Variants in TTF2 observed in about 807,000 individuals in gnomAD.
TTF2 encodes RNA polymerase II termination factor.
In TTF2, 108 loss-of-function variants were observed where a neutral mutation model predicts 142.4. The ratio of observed to expected loss-of-function variants is 0.76; its 90% CI spans 0.65 to 0.89. The LOEUF is 0.89. Among genes scored for constraint, TTF2 ranks in the 40% least tolerant of loss-of-function variants. The probability of loss-of-function intolerance (pLI) is 0.00; values close to 1 mark genes in which losing one functional copy is unlikely to be tolerated. For missense variants in TTF2, 1,327 were observed against 1,379.8 expected, an observed-to-expected ratio of 0.96 and a Z score of 0.61; for synonymous variants, 483 against 506.2, an observed-to-expected ratio of 0.95 and a Z score of 0.61.
rs2274253 is a variant in TTF2 at position 117,060,534 on chromosome 1, G to T, written c.108G>T (p.Thr36=). The change falls in exon 2 of 23, where the codon ACG becomes ACT. Residue 36 remains threonine, a synonymous_variant. Coordinates refer to ENST00000369466, the MANE Select transcript of TTF2 (RefSeq NM_003594.4). The part of the protein sequence containing the change: ...GKSFYVCRAD[T]CSFVRATDIP... ...GCTTCTACGTGTGCCGGGCAGACAC[G>T]TGCAGCTTCGTGCGGGCCACCGAGT... The T allele has an allele frequency of 0.066, 106,711 of 1,612,098 alleles. 4,808 individuals are homozygous for T. The highest frequency in any genetic ancestry group is 0.16 in the African/African-American group (12,138 of 74,964).
At chr1:117,095,065 A>C (rs1187329302) in intron 18 of TTF2, among the ~76,000 whole-genome samples, 8 of 152,214 alleles carry the variant, frequency 5.3e-5, no homozygotes. Context: ...GAATCCGGCA[A>C]GCTGCCTTGA....
chr1:117,072,637 A>G (rs1286902763), intron 3 of TTF2, among the ~76,000 whole-genome samples: 1 of 151,972 alleles, frequency 6.6e-6, no homozygotes, highest in African/African-American at 2.4e-5. Context: ...GTTGGCCAGG[A>G]TGGTCTCGAT....
chr1:117,076,466 C>A lies in TTF2; in HGVS notation c.1390+172C>A. On this transcript the variant is annotated intron_variant, in intron 6 of 22. Coordinates refer to ENST00000369466, the MANE Select transcript of TTF2 (RefSeq NM_003594.4). The surrounding 1 kb of genome is among the most constrained non-coding windows in gnomAD (Gnocchi z 4.6). ...GTTCATAAAAAACTTTCTCCTGTTT[C>A]CTGTGGACTCTACTTTCTTCCCCAT... The A allele has an allele frequency of 1.1e-6, 1 of 930,388 alleles. No individual in the cohort carries two copies. Among genetic ancestry groups the A allele is most frequent in the Non-Finnish European group, 1.6e-6 (1 of 626,076 alleles). The allele number at this position is 930,388 out of a possible 1,614,324, so 57.6% of individuals were successfully genotyped here. A position where few individuals can be genotyped will look rare whatever the true frequency, so the allele number is the denominator to read the frequency against.
At chr1:117,094,352 T>G (rs983121970) in intron 18 of TTF2, among the ~76,000 whole-genome samples, 3 of 152,186 alleles carry the variant, frequency 2.0e-5, no homozygotes, top group Non-Finnish European at 4.4e-5. Flanking sequence ...GTTTTCTTCC[T>G]TCTCCAGCAT....
At chr1:117,067,996 T>C (rs1656281198) in intron 3 of TTF2, among the ~76,000 whole-genome samples, 1 of 152,222 alleles carries the variant, frequency 6.6e-6, no homozygotes, top group South Asian at 2.1e-4. Flanking sequence ...TGACTAGCCA[T>C]TCGGCCATGG....
In TTF2 at chr1:117,084,129, A is replaced by C. The variant is rs147246961; in HGVS notation, c.2015A>C (p.Tyr672Ser). The change falls in exon 11 of 23, where the codon TAT becomes TCT. Residue 672 changes from tyrosine to serine, a missense_variant. Transcript: ENST00000369466. ...KRVNSNKLRV[Y>S]LYHGPNRDSR... Reference sequence around the variant, plus strand: ...GTGAACAGCAACAAACTAAGAGTCTATCTCTACCATGGGCCAAACCGGGAT... The same window carrying C: ...GTGAACAGCAACAAACTAAGAGTCTCTCTCTACCATGGGCCAAACCGGGAT... The C allele has an allele frequency of 1.2e-6, 2 of 1,614,220 alleles. No individual in the cohort carries two copies. Among genetic ancestry groups the C allele is most frequent in the Non-Finnish European group, 1.7e-6 (2 of 1,180,040 alleles).
intron 4 of TTF2, among the ~76,000 whole-genome samples, chr1:117,074,426 G>A (rs2101411631): frequency 6.6e-6 from 1 of 152,280 alleles, no homozygotes; most frequent in East Asian, 1.9e-4. Context: ...AAGGAACCAA[G>A]CTTCGAAAGT....
chr1:117,065,477 A>G (rs542361181), intron 3 of TTF2, among the ~76,000 whole-genome samples: 1 of 152,318 alleles, frequency 6.6e-6, no homozygotes, highest in Admixed American at 6.5e-5. Flanking sequence ...AGGCGCCTGT[A>G]GTCCCAGCTA....
chr1:117,062,286 C>T (rs1655743974), intron 2 of TTF2, 101 bp from the exon 3 acceptor site: 1 of 1,038,042 alleles, frequency 9.6e-7, no homozygotes, highest in African/African-American at 1.6e-5. Context: ...AGAGGTTATA[C>T]ATAGATTCTT....
rs1287711144 is a variant in TTF2, at chr1:117,079,195, A to G, written c.1702-373A>G. On this transcript the variant is annotated intron_variant, in intron 8 of 22. Transcript: ENST00000369466. The surrounding 1 kb of genome is among the most constrained non-coding windows in gnomAD (Gnocchi z 4.2). The stretch of plus-strand genomic sequence containing the variant: ...GCGGAGGCTGCAGTGGGCTGAGATC[A>G]CGCCACTGCACTCTAGCCTGGGCAA... 6.6e-6 allele frequency among the ~76,000 whole-genome samples: 1 copy of G among 152,142 alleles called. No individual in the cohort carries two copies. The highest frequency in any genetic ancestry group is 2.4e-5 in the African/African-American group (1 of 41,428).
At chr1:117,077,792 TGAG>T (rs1657135164) in intron 7 of TTF2, 121 bp from the exon 8 acceptor site, 1 of 1,325,810 alleles carries the variant, frequency 7.5e-7, no homozygotes. Context: ...CATGGAAAGT[TGAG>T]GAGAGTAGTT....
rs1218305324 is a variant in TTF2, at chr1:117,092,714, CTT to C, written c.2806-12_2806-11del. The C allele has an allele frequency of 6.2e-7, 1 of 1,605,530 alleles. No homozygotes were observed. The highest frequency in any genetic ancestry group is 1.3e-5 in the African/African-American group (1 of 74,532). On this transcript the variant is annotated splice_polypyrimidine_tract_variant and intron_variant, in intron 17 of 22. Transcript: ENST00000369466. This position sits in a 1 kb window ranked among gnomAD's most constrained non-coding sequence, Gnocchi z 4.4. Reference sequence around the variant, plus strand: ...CCCTTGACTCCCAGCTGCTCCTGTCCTTTTTTGTCTGTTCAGGCCCTGGATCC... The same window carrying C: ...CCCTTGACTCCCAGCTGCTCCTGTCCTTTTGTCTGTTCAGGCCCTGGATCC...
rs945530341 is a variant in TTF2, at chr1:117,063,787, G to A, written c.218+1314G>A. On this transcript the variant is annotated intron_variant, in intron 3 of 22. Transcript: ENST00000369466. The surrounding 1 kb of genome is among the most constrained non-coding windows in gnomAD (Gnocchi z 4.1). Reference sequence around the variant, plus strand: ...TTATCCAGTTTCCCCCAATGGTAACGTTTGCAAGGCTTAGAAATATATCAC... The same window carrying A: ...TTATCCAGTTTCCCCCAATGGTAACATTTGCAAGGCTTAGAAATATATCAC... 1.3e-5 allele frequency among the ~76,000 whole-genome samples: 2 copies of A among 152,104 alleles called. No individual in the cohort carries two copies. Among genetic ancestry groups the A allele is most frequent in the African/African-American group, 4.8e-5 (2 of 41,386 alleles).
At chr1:117,064,850 T>A (rs1557798973) in intron 3 of TTF2, among the ~76,000 whole-genome samples, 1 of 150,034 alleles carries the variant, frequency 6.7e-6, no homozygotes, top group Non-Finnish European at 1.5e-5. Flanking sequence ...TTTTTTTTTT[T>A]AGTAGCTTTT....
rs1648004939 is a variant in TTF2 at position 117,086,294 on chromosome 1, G to A, written c.2055-123G>A. 1 of 643,272 alleles carries A rather than the reference G, an allele frequency of 1.6e-6. No homozygotes were observed. Among genetic ancestry groups the A allele is most frequent in the Non-Finnish European group, 2.8e-6 (1 of 357,044 alleles). 39.8% of individuals were successfully genotyped at this position (643,272 alleles called of 1,614,324 possible). ...GTGCGTGTGTGTGTTAAGGACACAA[G>A]TTAATGAGTTCTGCTGTTTGTCCTT... is the stretch of plus-strand genomic sequence containing the variant. On this transcript the variant is annotated intron_variant, in intron 11 of 22. Coordinates refer to ENST00000369466, the MANE Select transcript of TTF2 (RefSeq NM_003594.4). The surrounding 1 kb of genome is among the most constrained non-coding windows in gnomAD (Gnocchi z 4.2).
At position 117,076,284 on chromosome 1, in the gene TTF2, C is replaced by A; in HGVS notation, c.1380C>A (p.Ser460=). ...LEEVLSGLTL[S]PEQGTNEKSN... ...AAGTACTCAGTGGTCTTACCCTTTC[C>A]CCAGAGCAAGGTAAAGTGGCTTATG... is the stretch of plus-strand genomic sequence containing the variant. The change falls in exon 6 of 23, where the codon TCC becomes TCA. Residue 460 remains serine, a synonymous_variant. Coordinates refer to ENST00000369466, the MANE Select transcript of TTF2 (RefSeq NM_003594.4). This position sits in a 1 kb window ranked among gnomAD's most constrained non-coding sequence, Gnocchi z 4.6. 6.2e-7 allele frequency: 1 copy of A among 1,613,760 alleles called. No individual in the cohort carries two copies. The highest frequency in any genetic ancestry group is 8.5e-7 in the Non-Finnish European group (1 of 1,179,746).
Position 117,097,138 on chromosome 1 carries a change from C to CA in TTF2, c.3187-212dup, listed in dbSNP as rs1325415624. On this transcript the variant is annotated intron_variant, in intron 20 of 22. Coordinates refer to ENST00000369466, the MANE Select transcript of TTF2 (RefSeq NM_003594.4). The surrounding 1 kb of genome is among the most constrained non-coding windows in gnomAD (Gnocchi z 4.1). ...CTCAGTTAATTTTTTGAGGTTGACT[C>CA]ACACACACACAAAATGTGATGTGAG... Among the ~76,000 whole-genome samples, 1 of 151,798 alleles carries CA rather than the reference C, an allele frequency of 6.6e-6. No homozygotes were observed. The highest frequency in any genetic ancestry group is 1.5e-5 in the Non-Finnish European group (1 of 67,984).
chr1:117,078,201 A>G (rs1198830663), intron 8 of TTF2, among the ~76,000 whole-genome samples, 158 bp downstream of exon 8: 15 of 152,218 alleles, frequency 9.9e-5, no homozygotes, highest in Admixed American at 9.8e-4. Context: ...TAACAGTGCA[A>G]ACAATAACAA....
chr1:117,084,287 G>T, intron 11 of TTF2, 119 bp downstream of exon 11: 1 of 1,302,400 alleles, frequency 7.7e-7, no homozygotes, highest in South Asian at 1.4e-5. Context: ...GAAAGCCAAA[G>T]ACAGATCTTT....
Sources: gnomAD v4.1 joint callset for allele counts (sites outside exome capture counted in the v4.1 genomes callset) on GRCh38, gnomAD v4.1.1 for gene constraint, Gnocchi (gnomAD v3.1) non-coding constraint, MANE v1.5 for transcripts, NCBI Gene and HGNC (gene_info 2026-07-23, HGNC 2026-07-21) for gene names.